The following UBA6 variants were observed in gnomAD, a reference collection of about 807,000 sequenced individuals.
UBA6 encodes the protein ubiquitin like modifier activating enzyme 6, also known as ubiquitin-like modifier-activating enzyme 6.
UBA6 carries 87 observed loss-of-function variants against 148.3 expected under a neutral mutation model. The ratio of observed to expected loss-of-function variants is 0.59; its 90% CI spans 0.49 to 0.70. The LOEUF is 0.70. Among genes scored for constraint, UBA6 ranks in the 30% least tolerant of loss-of-function variants. The probability of loss-of-function intolerance (pLI) is 0.00; values close to 1 mark genes in which losing one functional copy is unlikely to be tolerated. For synonymous variants in UBA6, 376 were observed against 401.0 expected (o/e 0.94, Z 0.75); for missense variants, 1,186 against 1,241.2 (o/e 0.96, Z 0.67).
At chr4:67,649,241 A>G in intron 13 of UBA6, 30 bp from the exon 14 acceptor site, 1 of 1,589,936 alleles carries the variant, frequency 6.3e-7, no homozygotes, top group East Asian at 2.2e-5. Context: ...AGACAATAAC[A>G]TTAACAGCAT....
At position 67,630,516 on chromosome 4, in the gene UBA6, T is replaced by C; in HGVS notation, c.2278A>G (p.Asn760Asp). The part of the protein sequence containing the change: ...NEPLHLSFLQ[N>D]AAKLYATVYC... ...ACTGTAGCATATAGTTTTGCAGCAT[T>C]CTGAAGGAAACTGAGGTGCCTTTTG... The change falls in exon 26 of 33, where the codon AAT becomes GAT. Residue 760 changes from asparagine to aspartate, a missense_variant. Physicochemically the swap from Asn to Asp is conservative, Grantham distance 23. Coordinates refer to ENST00000322244, the MANE Select transcript of UBA6 (RefSeq NM_018227.6). 6.3e-7 allele frequency: 1 copy of C among 1,585,968 alleles called. No homozygotes were observed. The highest frequency in any genetic ancestry group is 8.6e-7 in the Non-Finnish European group (1 of 1,166,452).
chr4:67,639,221 A>T, intron 18 of UBA6, 97 bp from the exon 19 acceptor site: 1 of 982,938 alleles, frequency 1.0e-6, no homozygotes, highest in Non-Finnish European at 1.5e-6. Context: ...GTGTAAGTTC[A>T]GTCATAGTCC....
chr4:67,624,807 T>C (rs1408131798), intron 29 of UBA6, among the ~76,000 whole-genome samples, 187 bp downstream of exon 29: 2 of 152,116 alleles, frequency 1.3e-5, no homozygotes, highest in African/African-American at 4.8e-5. Flanking sequence ...TAAAAATGTA[T>C]ATTTATGTAA....
intron 18 of UBA6, among the ~76,000 whole-genome samples, chr4:67,639,994 C>T (rs1308889489): frequency 6.6e-6 from 1 of 152,126 alleles, no homozygotes; most frequent in Non-Finnish European, 1.5e-5. Context: ...TCTTTCTTTT[C>T]TTAAAAAGAT....
chr4:67,649,243 T>C (rs374240586), intron 13 of UBA6, 32 bp from the exon 14 acceptor site: 50 of 1,588,060 alleles, frequency 3.1e-5, no homozygotes, highest in Non-Finnish European at 4.1e-5. Context: ...ACAATAACAT[T>C]AACAGCATTT....
intron 32 of UBA6, among the ~76,000 whole-genome samples, chr4:67,621,784 G>A (rs1346515391): frequency 6.6e-6 from 1 of 152,146 alleles, no homozygotes; most frequent in Non-Finnish European, 1.5e-5. Context: ...CAGCCTAGGC[G>A]ACACAGTGAG....
At chr4:67,653,018 CT>C (rs1729591855) in intron 13 of UBA6, among the ~76,000 whole-genome samples, 1 of 152,192 alleles carries the variant, frequency 6.6e-6, no homozygotes, top group African/African-American at 2.4e-5. Flanking sequence ...AACAAAGCAG[CT>C]GGTAAGCTTG....
chr4:67,683,038 G>C (rs1037085391), intron 2 of UBA6, among the ~76,000 whole-genome samples: 4 of 152,068 alleles, frequency 2.6e-5, no homozygotes, highest in Admixed American at 1.3e-4. Flanking sequence ...TTCTTATCTA[G>C]AGAGACAAAA....
chr4:67,670,682 T>C (rs1730125131), intron 7 of UBA6, 90 bp from the exon 8 acceptor site: 1 of 946,140 alleles, frequency 1.1e-6, no homozygotes, highest in Admixed American at 2.2e-5. Flanking sequence ...ATTTAATTTA[T>C]AATTAAGTAT....
At chr4:67,690,298 T>C (rs1156505650) in intron 2 of UBA6, among the ~76,000 whole-genome samples, 1 of 151,884 alleles carries the variant, frequency 6.6e-6, no homozygotes. Context: ...TACAAAATAA[T>C]CAAATCAAAA....
At chr4:67,679,865 C>T (rs7660038) in intron 4 of UBA6, among the ~76,000 whole-genome samples, 58,700 of 151,880 alleles carry the variant, frequency 0.39, 11,476 homozygotes, top group Middle Eastern at 0.51. Context: ...TTGTAAACAG[C>T]GACAAAGACT....
At chr4:67,681,815 C>T (rs565896330) in intron 3 of UBA6, among the ~76,000 whole-genome samples, 74 of 152,244 alleles carry the variant, frequency 4.9e-4, no homozygotes, top group African/African-American at 1.6e-3. Flanking sequence ...AAAATTTCAA[C>T]GTATTCTTCC....
intron 15 of UBA6, among the ~76,000 whole-genome samples, chr4:67,646,252 GA>G (rs1429099886): frequency 6.6e-6 from 1 of 151,892 alleles, no homozygotes; most frequent in African/African-American, 2.4e-5. Context: ...GGTTTATCTA[GA>G]AAAAAAATTT....
rs373070799 is a variant in UBA6 at position 67,663,431 on chromosome 4, T to C, written c.961-216A>G. The C allele has an allele frequency of 3.4e-4, 141 of 416,538 alleles. 2 individuals are homozygous for C. In the South Asian group the frequency reaches 6.6e-3, roughly 20 times the overall value. 25.8% of individuals were successfully genotyped at this position (416,538 alleles called of 1,614,324 possible). Reference sequence around the variant, plus strand: ...GGTAAATGATCTAATCCCCTTTCCTTATTAAAATTTACAAATTTGGAAACT... The same window carrying C: ...GGTAAATGATCTAATCCCCTTTCCTCATTAAAATTTACAAATTTGGAAACT... On this transcript the variant is annotated intron_variant, in intron 11 of 32. Transcript: ENST00000322244.
At chr4:67,622,099 C>T (rs114279116) in intron 32 of UBA6, among the ~76,000 whole-genome samples, 1,826 of 152,120 alleles carry the variant, frequency 0.012, 38 homozygotes, top group African/African-American at 0.04. Flanking sequence ...AATAAGGAGG[C>T]CAGTGTAGCT....
chr4:67,645,207 T>C (rs564700201), intron 16 of UBA6, among the ~76,000 whole-genome samples: 1 of 152,292 alleles, frequency 6.6e-6, no homozygotes, highest in East Asian at 1.9e-4. Context: ...TAAGCAGTAA[T>C]TTTCAGGGCT....
At chr4:67,666,783 G>A (rs1560493834) in intron 9 of UBA6, among the ~76,000 whole-genome samples, 1 of 152,050 alleles carries the variant, frequency 6.6e-6, no homozygotes, top group African/African-American at 2.4e-5. Context: ...GCTGAGGTGG[G>A]AGGATCACTT....
chr4:67,621,734 G>A (rs892147099), intron 32 of UBA6, among the ~76,000 whole-genome samples: 3 of 152,182 alleles, frequency 2.0e-5, no homozygotes, highest in Non-Finnish European at 4.4e-5. Context: ...GAACTCAGGA[G>A]GCAGAGGTTG....
chr4:67,623,019 G>A (rs544105318), intron 31 of UBA6, 94 bp from the exon 32 acceptor site: 37 of 1,352,596 alleles, frequency 2.7e-5, no homozygotes, highest in Middle Eastern at 1.9e-4. Flanking sequence ...TTTATGACCA[G>A]TAAAAAAAGC....
Sources: allele counts gnomAD v4.1 joint callset (sites outside exome capture counted in the v4.1 genomes callset), GRCh38; gene constraint gnomAD v4.1.1; transcripts MANE v1.5; gene names NCBI Gene and HGNC (gene_info 2026-07-23, HGNC 2026-07-21).